The following ZFYVE1 variants were observed in gnomAD, a reference collection of about 807,000 sequenced individuals.
ZFYVE1 encodes the protein zinc finger FYVE domain-containing protein 1.
In ZFYVE1, 30 loss-of-function variants were observed where a neutral mutation model predicts 74.4. That is an observed-to-expected ratio of 0.40 (90% CI 0.30 to 0.55). The LOEUF (loss-of-function observed/expected upper bound fraction) is 0.55. ZFYVE1 is among the 20% of genes least tolerant of loss of function. The pLI, the probability that ZFYVE1 is intolerant of heterozygous loss-of-function variation, is 0.42. For synonymous variants in ZFYVE1, 335 were observed against 385.1 expected (o/e 0.87, Z 1.52); for missense variants, 703 against 1,011.6 (o/e 0.69, Z 4.14).
intron 2 of ZFYVE1, among the ~76,000 whole-genome samples, chr14:73,021,264 C>T (rs1202453771): frequency 6.6e-6 from 1 of 152,080 alleles, no homozygotes; most frequent in East Asian, 1.9e-4. Flanking sequence ...AGGAGAATCG[C>T]TTGAACCTGG....
chr14:72,989,596 T>C (rs192973982), intron 4 of ZFYVE1, among the ~76,000 whole-genome samples: 1 of 152,288 alleles, frequency 6.6e-6, no homozygotes, highest in African/African-American at 2.4e-5. Flanking sequence ...TACTCAAATA[T>C]AACTGACAGT....
At chr14:72,992,619 C>CCCG (rs1555532803) in intron 4 of ZFYVE1, among the ~76,000 whole-genome samples, 11 of 110,130 alleles carry the variant, frequency 1.0e-4, no homozygotes, top group Admixed American at 6.0e-4. Flanking sequence ...TCAGGTGCCC[C>CCCG]CCCCGCCCCT....
chr14:72,986,877 T>G, intron 4 of ZFYVE1: 1 of 985,296 alleles, frequency 1.0e-6, no homozygotes, highest in Non-Finnish European at 1.2e-6. Flanking sequence ...ATTAGCAGGT[T>G]CAAAAATTCC....
In ZFYVE1 at chr14:72,969,683, G is replaced by A. The variant is rs1365584383; in HGVS notation, c.*1199C>T. On this transcript the variant is annotated 3_prime_UTR_variant, in exon 12 of 12. Coordinates refer to ENST00000556143, the MANE Select transcript of ZFYVE1 (RefSeq NM_021260.4). ...CTTTAATTCGTGTTTGGCCACTGAAGATCAAATCCACCATGATGATAGGAT... is the reference window on the plus strand; with the variant it reads ...CTTTAATTCGTGTTTGGCCACTGAAAATCAAATCCACCATGATGATAGGAT... 2.9e-6 allele frequency: 2 copies of A among 701,476 alleles called. No individual in the cohort carries two copies. The highest frequency in any genetic ancestry group is 5.2e-6 in the Non-Finnish European group (2 of 384,642). 43.5% of individuals were successfully genotyped at this position (701,476 alleles called of 1,614,324 possible).
intron 11 of ZFYVE1, among the ~76,000 whole-genome samples, chr14:72,972,688 TG>T (rs1893064790): frequency 6.6e-6 from 1 of 151,502 alleles, no homozygotes; most frequent in Non-Finnish European, 1.5e-5. Flanking sequence ...CATCCAGGGC[TG>T]GGTAGCTATT....
intron 4 of ZFYVE1, among the ~76,000 whole-genome samples, chr14:72,982,366 T>C (rs962264323): frequency 6.8e-6 from 1 of 148,026 alleles, no homozygotes; most frequent in African/African-American, 2.5e-5. Flanking sequence ...ATAGACAAAC[T>C]CAAAGCAGGA....
chr14:72,980,541 ATTTATTTATTT>A (rs766249326), intron 5 of ZFYVE1, among the ~76,000 whole-genome samples: 10,901 of 117,180 alleles, frequency 0.093, 559 homozygotes, highest in South Asian at 0.22. Context: ...TAATTAATTT[ATTTATTTATTT>A]ATTTATTTAT....
chr14:72,997,707 A>C (rs141780566), intron 3 of ZFYVE1, 104 bp downstream of exon 3: 7 of 1,433,152 alleles, frequency 4.9e-6, no homozygotes, highest in Non-Finnish European at 6.6e-6. Flanking sequence ...TTGGACAGAA[A>C]TCTTTCTGGG....
At chr14:73,001,727 C>T (rs1293160173) in intron 2 of ZFYVE1, among the ~76,000 whole-genome samples, 1 of 88,512 alleles carries the variant, frequency 1.1e-5, no homozygotes, top group Non-Finnish European at 2.4e-5. Context: ...CACCTGTAAT[C>T]CCAGCACTTT....
rs1182705526 is a variant in ZFYVE1, at chr14:73,021,948, G to T, written c.483+2078C>A. 2.0e-5 allele frequency among the ~76,000 whole-genome samples: 3 copies of T among 152,064 alleles called. No individual in the cohort carries two copies. In the East Asian group the frequency reaches 5.8e-4, roughly 29 times the overall value. On this transcript the variant is annotated intron_variant, in intron 2 of 11. Coordinates refer to ENST00000556143, the MANE Select transcript of ZFYVE1 (RefSeq NM_021260.4). ...TCCCCAAAAAAACATTCTTTTTAAA[G>T]GTGCCAATGCAATCCATGAGGGTTA...
intron 2 of ZFYVE1, among the ~76,000 whole-genome samples, chr14:73,020,933 C>T (rs1162013956): frequency 1.3e-5 from 2 of 152,108 alleles, no homozygotes; most frequent in Non-Finnish European, 1.5e-5. Context: ...AGGGTTTGAC[C>T]ATGTTGGCCC....
chr14:73,004,755 T>C (rs754816873), intron 2 of ZFYVE1, among the ~76,000 whole-genome samples: 1 of 152,052 alleles, frequency 6.6e-6, no homozygotes. Context: ...CCCAGCACTG[T>C]GGGAGGCCAA....
intron 2 of ZFYVE1, among the ~76,000 whole-genome samples, chr14:73,021,304 T>C (rs1190839971): frequency 6.6e-6 from 1 of 151,900 alleles, no homozygotes; most frequent in Non-Finnish European, 1.5e-5. Context: ...GGCAAGATTG[T>C]GCCACTGCAC....
Position 72,974,715 on chromosome 14 carries a change from A to G in ZFYVE1, c.1987+64T>C, listed in dbSNP as rs562532149. The G allele has an allele frequency of 3.3e-6, 5 of 1,534,020 alleles. No homozygotes were observed. In the East Asian group the frequency reaches 1.1e-4, roughly 35 times the overall value. On this transcript the variant is annotated intron_variant, in intron 10 of 11. Coordinates refer to ENST00000556143, the MANE Select transcript of ZFYVE1 (RefSeq NM_021260.4). ...TAGGGCATCTGGATATCCAGTTCTT[A>G]GCACCCAGGGCCAATGTGGGAGGTT...
intron 8 of ZFYVE1, among the ~76,000 whole-genome samples, chr14:72,976,229 A>G (rs1213820705): frequency 6.6e-6 from 1 of 152,202 alleles, no homozygotes; most frequent in East Asian, 1.9e-4. Context: ...GGAAGGAAGG[A>G]GCAAACAAAC....
intron 2 of ZFYVE1, among the ~76,000 whole-genome samples, chr14:73,010,627 A>G (rs1373153889): frequency 2.0e-5 from 3 of 150,942 alleles, no homozygotes; most frequent in African/African-American, 7.3e-5. Context: ...AAAATTAGCC[A>G]GGCATGGTGG....
chr14:73,013,280 G>T (rs1404624708), intron 2 of ZFYVE1, among the ~76,000 whole-genome samples: 2 of 152,142 alleles, frequency 1.3e-5, no homozygotes, highest in Non-Finnish European at 2.9e-5. Flanking sequence ...AGTCAACAGA[G>T]GCTCTTCAAT....
intron 8 of ZFYVE1, among the ~76,000 whole-genome samples, chr14:72,977,311 C>CA: frequency 6.6e-6 from 1 of 152,112 alleles, no homozygotes; most frequent in East Asian, 1.9e-4. Flanking sequence ...GAAGCTGAGG[C>CA]AGGAGAATCA....
In ZFYVE1 at chr14:72,970,814, A is replaced by G; in HGVS notation, c.*68T>C. On this transcript the variant is annotated 3_prime_UTR_variant, in exon 12 of 12. Transcript: ENST00000556143. ...CAGCAGGTGACTGGGAGGAGGGCCT[A>G]CCTCGCAAGACTGTTTCTAACCCTG... 6.6e-7 allele frequency: 1 copy of G among 1,523,642 alleles called. No homozygotes were observed. The highest frequency in any genetic ancestry group is 8.9e-7 in the Non-Finnish European group (1 of 1,117,534). The allele number at this position is 1,523,642 out of a possible 1,614,324, so 94.4% of individuals were successfully genotyped here.
Sources: gnomAD v4.1 joint callset for allele counts (sites outside exome capture counted in the v4.1 genomes callset) on GRCh38, gnomAD v4.1.1 for gene constraint, MANE v1.5 for transcripts, NCBI Gene and HGNC (gene_info 2026-07-23, HGNC 2026-07-21) for gene names.